FSIP2: variants seen among roughly 807,000 people sequenced by gnomAD.
FSIP2 encodes fibrous sheath interacting protein 2.
FSIP2 carries 367 observed loss-of-function variants against 510.5 expected under a neutral mutation model. The observed-to-expected ratio is 0.72, with a 90% CI of 0.66 to 0.78. The LOEUF (loss-of-function observed/expected upper bound fraction) is 0.78, where lower values mean the gene tolerates loss of function less well. Ranked by LOEUF, FSIP2 falls within the 30% of genes least tolerant of loss-of-function variation. The pLI, the probability that FSIP2 is intolerant of heterozygous loss-of-function variation, is 0.00. For synonymous variants in FSIP2, 2,601 were observed against 2,732.2 expected (o/e 0.95, Z 1.50); for missense variants, 7,594 against 7,901.7 (o/e 0.96, Z 1.48).
At chr2:185,824,507 G>C in intron 20 of FSIP2, 27 bp downstream of exon 20, 2 of 1,401,612 alleles carry the variant, frequency 1.4e-6, no homozygotes, top group Non-Finnish European at 2.0e-6. Flanking sequence ...TTAAATTAGA[G>C]AGTATTTTTT....
Position 185,795,244 on chromosome 2 carries a change from A to G in FSIP2, c.8108A>G (p.Lys2703Arg), listed in dbSNP as rs1385427741. The change falls in exon 16 of 23, where the codon AAA (lysine) becomes AGA (arginine). Residue 2703 changes from lysine to arginine, a missense_variant. Physicochemically the swap from Lys to Arg is conservative, Grantham distance 26 (BLOSUM62 2). Transcript: ENST00000424728. ...TTAGGTCCTGGAGAGAAGACCCTAAAAGACAGCAGATCCAAGACTGCCATT... is the reference window on the plus strand; with the variant it reads ...TTAGGTCCTGGAGAGAAGACCCTAAGAGACAGCAGATCCAAGACTGCCATT... ...TKLGPGEKTLKDSRSKTAIGL... is the reference protein window; with the variant it reads ...TKLGPGEKTLRDSRSKTAIGL... 6.5e-6 allele frequency: 10 copies of G among 1,535,156 alleles called. No homozygotes were observed. The African/African-American group carries it at 8.2e-5, about 13-fold the overall frequency.
Position 185,824,427 on chromosome 2 carries a change from GT to G in FSIP2, c.20427-3del, listed in dbSNP as rs1693978213. The G allele has an allele frequency of 6.3e-7, 1 of 1,578,922 alleles. No individual in the cohort carries two copies. The highest frequency in any genetic ancestry group is 8.6e-7 in the Non-Finnish European group (1 of 1,158,716). Reference sequence around the variant, plus strand: ...CCCTAAATGATGTTCTTTTTCTTTTGTTTTAGTGAGGCTGAAGATTGTCACT... The same window carrying G: ...CCCTAAATGATGTTCTTTTTCTTTTGTTTAGTGAGGCTGAAGATTGTCACT... On this transcript the variant is annotated splice_polypyrimidine_tract_variant and splice_region_variant and intron_variant, in intron 19 of 22. Transcript: ENST00000424728.
intron 19 of FSIP2, among the ~76,000 whole-genome samples, chr2:185,816,647 G>C (rs1385611216): frequency 6.6e-6 from 1 of 151,366 alleles, no homozygotes; most frequent in Non-Finnish European, 1.5e-5. Context: ...AAGCCAGCTT[G>C]GGCGACATAG....
chr2:185,763,767 A>G (rs1352932241), intron 12 of FSIP2, among the ~76,000 whole-genome samples: 1 of 151,588 alleles, frequency 6.6e-6, no homozygotes, highest in Admixed American at 6.6e-5. Flanking sequence ...AGATTTCAAT[A>G]AACTAGAAAT....
intron 7 of FSIP2, among the ~76,000 whole-genome samples, chr2:185,749,972 T>C (rs1692109649): frequency 6.6e-6 from 1 of 151,914 alleles, no homozygotes; most frequent in South Asian, 2.1e-4. Context: ...CATAAATTGA[T>C]TTTTGAATGT....
At chr2:185,830,219 C>T (rs996426366) in intron 21 of FSIP2, among the ~76,000 whole-genome samples, 9 of 151,784 alleles carry the variant, frequency 5.9e-5, no homozygotes, top group African/African-American at 2.2e-4. Context: ...GTGTAGGATA[C>T]ATTCCAAAAT....
At chr2:185,783,939 A>ACTC (rs1437813170) in intron 14 of FSIP2, 1 of 152,104 alleles carries the variant, frequency 6.6e-6, no homozygotes, top group Non-Finnish European at 1.5e-5. Flanking sequence ...AAAATAAAGA[A>ACTC]CTCTATACCT....
chr2:185,777,142 T>C (rs1692742460), intron 13 of FSIP2, among the ~76,000 whole-genome samples: 1 of 152,212 alleles, frequency 6.6e-6, no homozygotes, highest in Non-Finnish European at 1.5e-5. Context: ...GGCTATACAT[T>C]TTCCGTCAGT....
rs781681474 is a variant in FSIP2, at chr2:185,808,684, G to A, written c.19378G>A (p.Asp6460Asn). 2 of 1,610,052 alleles carry A rather than the reference G, an allele frequency of 1.2e-6. No homozygotes were observed. Among genetic ancestry groups the A allele is most frequent in the South Asian group, 1.1e-5 (1 of 90,452 alleles). ...TAAAAAAGTGGCTAGTTTAATTATT[G>A]ATGGAGTTTCAAGTTTTCCATTAGA... ...FPKKVASLII[D>N]GVSSFPLDTI... The change falls in exon 17 of 23, where the codon GAT becomes AAT. Residue 6460 changes from aspartate (D) to asparagine (N), a missense_variant. By Grantham distance (23) the Asp-to-Asn change is conservative. Transcript: ENST00000424728.
At position 185,788,998 on chromosome 2, in the gene FSIP2, C is replaced by T; in HGVS notation, c.1862C>T (p.Ser621Phe). ...VGKTCHIKGQ[S>F]IISKHKYNKT... ...AAAACATGTCACATAAAAGGACAAT[C>T]TATAATCTCTAAACATAAATATAAT... The change falls in exon 16 of 23, where the codon TCT becomes TTT. Residue 621 changes from serine to phenylalanine, a missense_variant. Ser to Phe is a radical substitution (Grantham distance 155). Coordinates refer to ENST00000424728, the MANE Select transcript of FSIP2 (RefSeq NM_173651.4). The T allele has an allele frequency of 6.5e-7, 1 of 1,534,058 alleles. No homozygotes were observed. The highest frequency in any genetic ancestry group is 8.7e-7 in the Non-Finnish European group (1 of 1,145,372).
Position 185,806,921 on chromosome 2 carries a change from A to T in FSIP2, c.17615A>T (p.Glu5872Val). Reference sequence around the variant, plus strand: ...CCTAAAGTACCTCCAAGGTATAAAGAGCCAACTACAGATGAAGCACCATCC... The same window carrying T: ...CCTAAAGTACCTCCAAGGTATAAAGTGCCAACTACAGATGAAGCACCATCC... ...SVPKVPPRYKEPTTDEAPSSI... is the reference protein window; with the variant it reads ...SVPKVPPRYKVPTTDEAPSSI... Residue 5872 changes from glutamate (E) to valine (V), a missense_variant, in exon 17 of 23, where the codon GAG becomes GTG. By Grantham distance (121) the Glu-to-Val change is moderately radical. Coordinates refer to ENST00000424728, the MANE Select transcript of FSIP2 (RefSeq NM_173651.4). 2 of 1,611,448 alleles carry T rather than the reference A, an allele frequency of 1.2e-6. No individual in the cohort carries two copies. The highest frequency in any genetic ancestry group is 1.7e-6 in the Non-Finnish European group (2 of 1,178,704).
chr2:185,814,112 A>G, intron 18 of FSIP2, 70 bp downstream of exon 18: 1 of 1,416,698 alleles, frequency 7.1e-7, no homozygotes, highest in Non-Finnish European at 9.6e-7. Flanking sequence ...CCAAGAATGT[A>G]CCTTGATTAG....
intron 14 of FSIP2, among the ~76,000 whole-genome samples, chr2:185,783,230 G>T (rs955907211): frequency 2.0e-5 from 3 of 152,120 alleles, no homozygotes; most frequent in Admixed American, 6.5e-5. Flanking sequence ...TCTAGTAGTG[G>T]AAATTATGGC....
chr2:185,799,994 T>C lies in FSIP2; in HGVS notation c.10688T>C (p.Ile3563Thr), dbSNP rs1392037232. Residue 3563 changes from isoleucine (I) to threonine (T), a missense_variant, in exon 17 of 23, where the codon ATC becomes ACC. Physicochemically the swap from Ile to Thr is moderately conservative, Grantham distance 89. Transcript: ENST00000424728. Reference sequence around the variant, plus strand: ...GAACTTGCTTTATGTATTTCTGAAATCATTATTAAAATTCTTTTTAATAAT... The same window carrying C: ...GAACTTGCTTTATGTATTTCTGAAACCATTATTAAAATTCTTTTTAATAAT... ...IGELALCISE[I>T]IIKILFNNKI... 2 of 1,519,570 alleles carry C rather than the reference T, an allele frequency of 1.3e-6. No homozygotes were observed. The highest frequency in any genetic ancestry group is 2.0e-5 in the Admixed American group (1 of 49,996). 94.1% of individuals were successfully genotyped at this position (1,519,570 alleles called of 1,614,324 possible).
At chr2:185,754,940 CTTAAT>C (rs1385724520) in intron 8 of FSIP2, among the ~76,000 whole-genome samples, 1 of 151,478 alleles carries the variant, frequency 6.6e-6, no homozygotes, top group African/African-American at 2.4e-5. Flanking sequence ...ATAGTAAGAA[CTTAAT>C]TTATTTTGTT....
upstream of FSIP2, chr2:185,738,627 G>T (rs1046731297): frequency 1.3e-6 from 2 of 1,536,012 alleles, no homozygotes; most frequent in Non-Finnish European, 1.7e-6. Flanking sequence ...TTCAGAGAAA[G>T]ATGAAGTTTC....
In FSIP2 at chr2:185,789,012, C is replaced by T. The variant is rs1252703738; in HGVS notation, c.1876C>T (p.His626Tyr). 1 of 1,533,936 alleles carries T rather than the reference C, an allele frequency of 6.5e-7. No individual in the cohort carries two copies. Among genetic ancestry groups the T allele is most frequent in the East Asian group, 2.4e-5 (1 of 40,858 alleles). Residue 626 changes from histidine (H) to tyrosine (Y), a missense_variant, in exon 16 of 23, where the codon CAT (histidine) becomes TAT (tyrosine). By Grantham distance (83) the His-to-Tyr change is moderately conservative (BLOSUM62 2). Coordinates refer to ENST00000424728, the MANE Select transcript of FSIP2 (RefSeq NM_173651.4). ...AAAAGGACAATCTATAATCTCTAAA[C>T]ATAAATATAATAAAACCAACTTGCT... Reference protein sequence around the residue: ...HIKGQSIISKHKYNKTNLLYS... With the variant: ...HIKGQSIISKYKYNKTNLLYS...
In FSIP2 at chr2:185,789,647, T is replaced by C. The variant is rs755082476; in HGVS notation, c.2511T>C (p.Phe837=). 1.3e-6 allele frequency: 2 copies of C among 1,534,216 alleles called. No individual in the cohort carries two copies. Among genetic ancestry groups the C allele is most frequent in the South Asian group, 2.4e-5 (2 of 83,938 alleles). The part of the protein sequence containing the change: ...ILEKLMTLVS[F]KQNEFLHLKD... ...AAAAGCTAATGACTCTTGTTTCTTTTAAGCAAAATGAATTTCTTCATCTTA... is the reference window on the plus strand; with the variant it reads ...AAAAGCTAATGACTCTTGTTTCTTTCAAGCAAAATGAATTTCTTCATCTTA... Residue 837 remains phenylalanine (F), a synonymous_variant, in exon 16 of 23, where the codon TTT becomes TTC. Transcript: ENST00000424728.
chr2:185,743,256 A>G lies in FSIP2; in HGVS notation c.349A>G (p.Arg117Gly). ...CTATAAGCGCAAAGATATTTTGAAG[A>G]GATTAAAGAAAGGTGGCTACATCAC... ...AYYKRKDILK[R>G]LKKGGYITSN... Residue 117 changes from arginine to glycine, a missense_variant, in exon 3 of 23, where the codon AGA (arginine) becomes GGA (glycine). Physicochemically the swap from Arg to Gly is moderately radical, Grantham distance 125. Transcript: ENST00000424728. 6.6e-7 allele frequency: 1 copy of G among 1,508,906 alleles called. No homozygotes were observed. The highest frequency in any genetic ancestry group is 8.8e-7 in the Non-Finnish European group (1 of 1,138,512). 93.5% of individuals were successfully genotyped at this position (1,508,906 alleles called of 1,614,324 possible). A position where few individuals can be genotyped will look rare whatever the true frequency, so the allele number is the denominator to read the frequency against.
Sources: allele counts gnomAD v4.1 joint callset (sites outside exome capture counted in the v4.1 genomes callset), GRCh38; gene constraint gnomAD v4.1.1; transcripts MANE v1.5; gene names NCBI Gene and HGNC (gene_info 2026-07-23, HGNC 2026-07-21).